The following AGO3 variants were observed in gnomAD, a reference collection of about 807,000 sequenced individuals.
The protein encoded by AGO3 is protein argonaute-3.
In AGO3, 16 loss-of-function variants were observed where a neutral mutation model predicts 105.5. The ratio of observed to expected loss-of-function variants is 0.15; its 90% confidence interval spans 0.10 to 0.23. The LOEUF is 0.23. Among genes scored for constraint, AGO3 ranks in the 10% least tolerant of loss-of-function variants. The probability of loss-of-function intolerance (pLI) is 1.00; values close to 1 mark genes in which losing one functional copy is unlikely to be tolerated. For missense variants in AGO3, 534 were observed against 1,088.0 expected, an observed-to-expected ratio of 0.49 and a Z score of 7.16; for synonymous variants, 340 against 367.3, an observed-to-expected ratio of 0.93 and a Z score of 0.85.
chr1:36,044,781 C>T (rs913233524), intron 17 of AGO3, among the ~76,000 whole-genome samples: 4 of 152,256 alleles, frequency 2.6e-5, no homozygotes, highest in Middle Eastern at 6.8e-3. Flanking sequence ...TTTTCTTATT[C>T]TTTCCAGAAA....
rs576849193 is a variant in AGO3 at position 35,957,223 on chromosome 1, G to A, written c.192-9732G>A. On this transcript the variant is annotated intron_variant, in intron 2 of 18. Coordinates refer to ENST00000373191, the MANE Select transcript of AGO3 (RefSeq NM_024852.4). ...AAATTAGCTGGGCATCGTGGTACAT[G>A]CCTGTAATCCCAGCTTGGATTACTT... Among the ~76,000 whole-genome samples the A allele has an allele frequency of 1.1e-4, 16 of 151,464 alleles. No individual in the cohort carries two copies. In the East Asian group the frequency reaches 3.0e-3, roughly 28 times the overall value.
chr1:36,037,628 A>G (rs550402177), intron 14 of AGO3, among the ~76,000 whole-genome samples: 3 of 152,356 alleles, frequency 2.0e-5, no homozygotes, highest in East Asian at 3.9e-4. Context: ...AATGATAGTA[A>G]TATTTAAATT....
intron 5 of AGO3, among the ~76,000 whole-genome samples, chr1:35,994,120 G>A (rs1261403133): frequency 1.5e-5 from 2 of 132,738 alleles, no homozygotes; most frequent in African/African-American, 5.9e-5. Flanking sequence ...GTGTGATCAT[G>A]GCTCACTGCA....
At chr1:35,945,213 CTT>C (rs577859805) in intron 1 of AGO3, among the ~76,000 whole-genome samples, 2 of 145,738 alleles carry the variant, frequency 1.4e-5, no homozygotes, top group African/African-American at 2.5e-5. Context: ...CTTTTCTTTT[CTT>C]TTTTTTTTTT....
chr1:35,989,127 G>A (rs1647377188), intron 5 of AGO3, among the ~76,000 whole-genome samples: 1 of 152,178 alleles, frequency 6.6e-6, no homozygotes, highest in Non-Finnish European at 1.5e-5. Flanking sequence ...AAAAGGGAGG[G>A]ATCCATTGTA....
chr1:36,045,428 G>A (rs539669478), intron 17 of AGO3, among the ~76,000 whole-genome samples: 1 of 151,914 alleles, frequency 6.6e-6, no homozygotes, highest in East Asian at 1.9e-4. Context: ...CACCATGATG[G>A]CCAGGCTGGT....
chr1:35,962,776 G>A (rs988135499), intron 2 of AGO3, among the ~76,000 whole-genome samples: 1 of 151,862 alleles, frequency 6.6e-6, no homozygotes, highest in Non-Finnish European at 1.5e-5. Context: ...TTATAAAGAA[G>A]AACCAAAAAA....
In AGO3 at chr1:35,960,501, G is replaced by A. The variant is rs948999535; in HGVS notation, c.192-6454G>A. On this transcript the variant is annotated intron_variant, in intron 2 of 18. Transcript: ENST00000373191. Reference sequence around the variant, plus strand: ...TCTCAAAAAAAAATTTTTTTTTTTCGCTAAAATTCTAAATATATGAATTTG... The same window carrying A: ...TCTCAAAAAAAAATTTTTTTTTTTCACTAAAATTCTAAATATATGAATTTG... Among the ~76,000 whole-genome samples the A allele has an allele frequency of 2.7e-4, 40 of 150,794 alleles. 1 individual carries two copies. The highest frequency in any genetic ancestry group is 9.3e-4 in the African/African-American group (38 of 40,992).
At chr1:35,973,641 G>A (rs893166396) in intron 5 of AGO3, 130 bp downstream of exon 5, 20 of 1,053,680 alleles carry the variant, frequency 1.9e-5, no homozygotes, top group African/African-American at 1.3e-4. Flanking sequence ...TGATCTACTG[G>A]AGAAACCTTT....
At position 36,013,947 on chromosome 1, in the gene AGO3, A is replaced by G. The variant is rs1301305386; in HGVS notation, c.1305A>G (p.Val435=). The G allele has an allele frequency of 1.9e-6, 3 of 1,614,108 alleles. No individual in the cohort carries two copies. The highest frequency in any genetic ancestry group is 3.3e-5 in the Admixed American group (2 of 60,014). Residue 435 remains valine, a synonymous_variant, in exon 11 of 19, where the codon GTA becomes GTG. Coordinates refer to ENST00000373191, the MANE Select transcript of AGO3 (RefSeq NM_024852.4). The part of the protein sequence containing the change: ...NRTVATPSHG[V]WDMRGKQFHT... ...CAGTAGCAACACCGAGCCATGGAGT[A>G]TGGGACATGCGAGGGAAACAATTCC...
intron 2 of AGO3, among the ~76,000 whole-genome samples, chr1:35,958,888 T>C (rs1009381020): frequency 6.6e-6 from 1 of 152,248 alleles, no homozygotes; most frequent in Admixed American, 6.5e-5. Context: ...AGCAATCTTC[T>C]TTCTGTCTAT....
chr1:36,057,490 T>C lies in AGO3; in HGVS notation c.*1745T>C, dbSNP rs1642958468. The stretch of plus-strand genomic sequence containing the variant: ...TTATAGAAATATAATCATGTTTATT[T>C]TAAGAACTGACAACTTGTTTTTGCT... On this transcript the variant is annotated 3_prime_UTR_variant, in exon 19 of 19. Transcript: ENST00000373191. The C allele has an allele frequency of 6.6e-6, 1 of 152,134 alleles. No individual in the cohort carries two copies. The highest frequency in any genetic ancestry group is 2.4e-5 in the African/African-American group (1 of 41,426). 9.4% of individuals were successfully genotyped at this position (152,134 alleles called of 1,614,324 possible).
chr1:35,982,473 A>G (rs1647070455), intron 5 of AGO3: 1 of 594,348 alleles, frequency 1.7e-6, no homozygotes, highest in East Asian at 2.8e-5. Context: ...AGTTAGAAAA[A>G]TCACAGAAAA....
At chr1:36,017,424 C>T (rs1045521607) in intron 11 of AGO3, among the ~76,000 whole-genome samples, 1 of 152,234 alleles carries the variant, frequency 6.6e-6, no homozygotes, top group Non-Finnish European at 1.5e-5. Flanking sequence ...TGCACAGATA[C>T]TTCTGTTTAG....
At chr1:36,023,197 A>G (rs949216430) in intron 11 of AGO3, among the ~76,000 whole-genome samples, 1 of 152,202 alleles carries the variant, frequency 6.6e-6, no homozygotes, top group African/African-American at 2.4e-5. Context: ...ACAAATTCAG[A>G]TAACTCAAAA....
At chr1:36,036,385 G>A in intron 14 of AGO3, 118 bp downstream of exon 14, 2 of 990,212 alleles carry the variant, frequency 2.0e-6, no homozygotes, top group Non-Finnish European at 3.0e-6. Context: ...TGTTCTTTGG[G>A]TTTTTGAAAA....
intron 11 of AGO3, among the ~76,000 whole-genome samples, chr1:36,019,747 A>G (rs1439554798): frequency 6.6e-6 from 1 of 150,500 alleles, no homozygotes; most frequent in Non-Finnish European, 1.5e-5. Flanking sequence ...CACAACACCA[A>G]TATATATGTA....
intron 11 of AGO3, among the ~76,000 whole-genome samples, chr1:36,014,401 G>A (rs1272640606): frequency 6.6e-6 from 1 of 151,714 alleles, no homozygotes; most frequent in African/African-American, 2.4e-5. Context: ...CAGGTGATCT[G>A]CCCGCCTTGG....
chr1:35,988,577 A>G (rs1030250517), intron 5 of AGO3, among the ~76,000 whole-genome samples: 9 of 151,690 alleles, frequency 5.9e-5, no homozygotes, highest in Non-Finnish European at 7.4e-5. Flanking sequence ...AATATCCTCC[A>G]GGTTCATCCA....
Sources: allele counts gnomAD v4.1 joint callset (sites outside exome capture counted in the v4.1 genomes callset), GRCh38; gene constraint gnomAD v4.1.1; transcripts MANE v1.5; gene names NCBI Gene and HGNC (gene_info 2026-07-23, HGNC 2026-07-21).